Variants in IFIH1 observed in about 807,000 individuals in gnomAD.
IFIH1 encodes interferon-induced helicase C domain-containing protein 1.
In IFIH1, 125 loss-of-function variants were observed where a neutral mutation model predicts 107.4. That is an observed-to-expected ratio of 1.16 (90% CI 1.01 to 1.35). IFIH1 has a LOEUF of 1.35. Among genes scored for constraint, IFIH1 ranks in the 40% most tolerant of loss-of-function variants. The pLI is 0.00. For missense variants in IFIH1, 1,333 were observed against 1,213.7 expected (o/e 1.10, Z -1.46); for synonymous variants, 458 against 413.2 (o/e 1.11, Z -1.31).
At chr2:162,294,739 T>C (rs1293847769) in intron 3 of IFIH1, among the ~76,000 whole-genome samples, 3 of 151,826 alleles carry the variant, frequency 2.0e-5, no homozygotes, top group Non-Finnish European at 2.9e-5. Context: ...GATAATGTTC[T>C]TCTTTTAATT....
chr2:162,278,406 T>C, intron 8 of IFIH1, 78 bp from the exon 9 acceptor site: 3 of 765,974 alleles, frequency 3.9e-6, no homozygotes, highest in Non-Finnish European at 6.0e-6. Context: ...GAATAATTTC[T>C]AGGTTATAAT....
intron 11 of IFIH1, 78 bp downstream of exon 11, chr2:162,276,609 A>T (rs1682666914): frequency 6.7e-7 from 1 of 1,488,102 alleles, no homozygotes; most frequent in Non-Finnish European, 9.0e-7. Context: ...CGTCTGAAAG[A>T]AAAGAAGAAG....
intron 3 of IFIH1, among the ~76,000 whole-genome samples, chr2:162,299,231 A>C (rs1012071213): frequency 1.3e-5 from 2 of 152,204 alleles, no homozygotes; most frequent in Non-Finnish European, 2.9e-5. Flanking sequence ...GTCCTAGAGT[A>C]GAGTCAGTTA....
intron 2 of IFIH1, 182 bp from the exon 3 acceptor site, chr2:162,307,037 C>T (rs1683294439): frequency 5.8e-6 from 3 of 513,848 alleles, no homozygotes; most frequent in Admixed American, 7.0e-5. Context: ...AGATTTTATA[C>T]AATATAAATA....
chr2:162,278,252 A>G lies in IFIH1; in HGVS notation c.1718T>C (p.Phe573Ser). The G allele has an allele frequency of 6.3e-7, 1 of 1,599,992 alleles. No individual in the cohort carries two copies. The highest frequency in any genetic ancestry group is 8.5e-7 in the Non-Finnish European group (1 of 1,171,806). ...TYCQMSPMSD[F>S]GTQPYEQWAI... ...CCATTGTTCATAGGGTTGAGTTCCA[A>G]AATCTGACATTGGACTCATTTGACA... The change falls in exon 9 of 16, where the codon TTT becomes TCT. Residue 573 changes from phenylalanine (F) to serine (S), a missense_variant. Phe to Ser is a radical substitution (Grantham distance 155). Transcript: ENST00000649979.
At chr2:162,277,756 T>C (rs1349518327) in intron 9 of IFIH1, 63 bp from the exon 10 acceptor site, 3 of 1,517,842 alleles carry the variant, frequency 2.0e-6, no homozygotes, top group Non-Finnish European at 2.6e-6. Flanking sequence ...AATTGTGCCA[T>C]GGACTTGAAT....
chr2:162,298,102 C>T (rs1045889878), intron 3 of IFIH1, among the ~76,000 whole-genome samples: 1 of 152,068 alleles, frequency 6.6e-6, no homozygotes, highest in African/African-American at 2.4e-5. Context: ...CTTTTTAGAT[C>T]TATTTCAATG....
chr2:162,306,395 C>T (rs1339800446), intron 3 of IFIH1, among the ~76,000 whole-genome samples: 2 of 152,192 alleles, frequency 1.3e-5, no homozygotes, highest in East Asian at 3.9e-4. Flanking sequence ...ATTGACTGAT[C>T]TATTTATAAG....
chr2:162,314,621 G>A (rs1440482210), intron 1 of IFIH1, among the ~76,000 whole-genome samples: 2 of 151,622 alleles, frequency 1.3e-5, no homozygotes, highest in Non-Finnish European at 2.9e-5. Flanking sequence ...CCGAGTAACT[G>A]GGACTACAGG....
chr2:162,278,378 A>G (rs760859680), intron 8 of IFIH1, 50 bp from the exon 9 acceptor site: 1 of 930,354 alleles, frequency 1.1e-6, no homozygotes, highest in Non-Finnish European at 1.6e-6. Context: ...TGTTAAAGGA[A>G]TAACATTATC....
At chr2:162,286,044 G>A (rs887867369) in intron 5 of IFIH1, among the ~76,000 whole-genome samples, 1 of 151,900 alleles carries the variant, frequency 6.6e-6, no homozygotes, top group Non-Finnish European at 1.5e-5. Flanking sequence ...GCACTGGTAT[G>A]ATCTTATCTG....
At chr2:162,287,672 A>G (rs1682920554) in intron 5 of IFIH1, among the ~76,000 whole-genome samples, 2 of 151,960 alleles carry the variant, frequency 1.3e-5, no homozygotes, top group Admixed American at 6.6e-5. Flanking sequence ...TATTCTGGAG[A>G]AAGAGGACTT....
intron 11 of IFIH1, among the ~76,000 whole-genome samples, chr2:162,276,328 C>T (rs964770111): frequency 1.3e-5 from 2 of 152,120 alleles, no homozygotes; most frequent in Admixed American, 6.5e-5. Flanking sequence ...CCAGGCTGAG[C>T]GCAGTGGCTC....
At chr2:162,301,374 C>T (rs778774637) in intron 3 of IFIH1, among the ~76,000 whole-genome samples, 8 of 152,114 alleles carry the variant, frequency 5.3e-5, no homozygotes, top group Non-Finnish European at 1.2e-4. Context: ...TGTAAAGGCG[C>T]CCTCTGCTGG....
Position 162,310,442 on chromosome 2 carries a change from T to G in IFIH1, c.622+323A>C, listed in dbSNP as rs1214850083. On this transcript the variant is annotated intron_variant, in intron 2 of 15. Coordinates refer to ENST00000649979, the MANE Select transcript of IFIH1 (RefSeq NM_022168.4). ...TATGCAGCAGATTTTTTATAACCAC[T>G]AAAATACTTTCTTCCAATGTATTTG... 3.1e-5 allele frequency: 13 copies of G among 424,726 alleles called. No individual in the cohort carries two copies. In the East Asian group the frequency reaches 4.8e-4, roughly 16 times the overall value. The allele number at this position is 424,726 out of a possible 1,614,324, so 26.3% of individuals were successfully genotyped here. A position where few individuals can be genotyped will look rare whatever the true frequency, so the allele number is the denominator to read the frequency against.
intron 3 of IFIH1, among the ~76,000 whole-genome samples, chr2:162,304,115 C>T (rs1220644775): frequency 6.6e-6 from 1 of 152,168 alleles, no homozygotes; most frequent in African/African-American, 2.4e-5. Flanking sequence ...CCTGTATAAG[C>T]TTTGCTATTA....
intron 3 of IFIH1, among the ~76,000 whole-genome samples, chr2:162,298,798 A>G (rs1439808578): frequency 6.6e-6 from 1 of 152,088 alleles, no homozygotes; most frequent in Non-Finnish European, 1.5e-5. Flanking sequence ...GCGCACACAC[A>G]CACACACACA....
In IFIH1 at chr2:162,306,734, A is replaced by G. The variant is rs768200600; in HGVS notation, c.744T>C (p.Ser248=). 5 of 1,613,924 alleles carry G rather than the reference A, an allele frequency of 3.1e-6. No individual in the cohort carries two copies. Among genetic ancestry groups the G allele is most frequent in the Admixed American group, 3.3e-5 (2 of 60,028 alleles). ...CTGAAACTACAGAAGAATCTGCAAAAGATGATTCTGATGAGTTATTCTCCA... is the reference window on the plus strand; with the variant it reads ...CTGAAACTACAGAAGAATCTGCAAAGGATGATTCTGATGAGTTATTCTCCA... ...WGMENNSSES[S]FADSSVVSES... The change falls in exon 3 of 16, where the codon TCT becomes TCC. Residue 248 remains serine (S), a synonymous_variant. Coordinates refer to ENST00000649979, the MANE Select transcript of IFIH1 (RefSeq NM_022168.4).
chr2:162,317,136 C>A (rs1303726827), intron 1 of IFIH1, among the ~76,000 whole-genome samples: 1 of 150,860 alleles, frequency 6.6e-6, no homozygotes, highest in Non-Finnish European at 1.5e-5. Flanking sequence ...CTCTAAAATG[C>A]CAGATAATAA....
Sources: allele counts gnomAD v4.1 joint callset (sites outside exome capture counted in the v4.1 genomes callset), GRCh38; gene constraint gnomAD v4.1.1; transcripts MANE v1.5; gene names NCBI Gene and HGNC (gene_info 2026-07-23, HGNC 2026-07-21).